Variants in PDE1A observed in about 807,000 individuals in gnomAD.
The protein encoded by PDE1A is phosphodiesterase 1A.
In PDE1A, 35 loss-of-function variants were observed where a neutral mutation model predicts 61.7. That is an observed-to-expected ratio of 0.57 (90% CI 0.43 to 0.75). The LOEUF (loss-of-function observed/expected upper bound fraction) is 0.75. PDE1A is among the 30% of genes least tolerant of loss of function. The pLI, the probability that PDE1A is intolerant of heterozygous loss-of-function variation, is 0.00. For missense variants in PDE1A, 597 were observed against 630.6 expected (o/e 0.95, Z 0.57); for synonymous variants, 232 against 213.2 (o/e 1.09, Z -0.77).
At chr2:182,531,552 AC>A in the PDE1A span, among the ~76,000 whole-genome samples, 2 of 152,202 alleles carry the variant, frequency 1.3e-5, no homozygotes, top group Non-Finnish European at 2.9e-5. Context: ...ATGTTTATGC[AC>A]ATAAAAATCG....
intron 1 of PDE1A, among the ~76,000 whole-genome samples, chr2:182,269,980 A>G (rs1454019995): frequency 6.6e-6 from 1 of 152,090 alleles, no homozygotes; most frequent in Admixed American, 6.6e-5. Context: ...TAGAATTCTA[A>G]GTTATATTAT....
chr2:182,631,212 A>G, the PDE1A span, among the ~76,000 whole-genome samples: 1 of 152,152 alleles, frequency 6.6e-6, no homozygotes, highest in Admixed American at 6.5e-5. Flanking sequence ...CAGGTGTACT[A>G]AGGGCAGAAG....
chr2:182,168,004 T>C (rs550946844), exon 14 of PDE1A: 22 of 1,218,126 alleles, frequency 1.8e-5, no homozygotes, highest in Admixed American at 4.2e-5. Context: ...GAAACAGATA[T>C]CTGAAAGCAC....
At chr2:182,196,227 G>A (rs1027190802) in intron 10 of PDE1A, among the ~76,000 whole-genome samples, 5 of 151,824 alleles carry the variant, frequency 3.3e-5, no homozygotes, top group African/African-American at 7.3e-5. Flanking sequence ...TTTGAAAATC[G>A]TTTACTTTTA....
the PDE1A span, among the ~76,000 whole-genome samples, chr2:182,563,113 G>T: frequency 3.3e-5 from 5 of 152,172 alleles, 1 homozygote; most frequent in Admixed American, 1.3e-4. Flanking sequence ...GAATGTGTTT[G>T]CTCTTGCTTC....
At chr2:182,369,260 C>A (rs1700002720) in intron 1 of PDE1A, among the ~76,000 whole-genome samples, 1 of 152,172 alleles carries the variant, frequency 6.6e-6, no homozygotes, top group African/African-American at 2.4e-5. Flanking sequence ...TTTTCACAAG[C>A]CCATGCAGTG....
intron 13 of PDE1A, among the ~76,000 whole-genome samples, chr2:182,169,220 CTT>C (rs2125316549): frequency 6.6e-6 from 1 of 151,992 alleles, no homozygotes; most frequent in Admixed American, 6.6e-5. Context: ...ATTTACCAGA[CTT>C]TACATTGATT....
At chr2:182,276,664 AT>A (rs1414883543) in intron 1 of PDE1A, among the ~76,000 whole-genome samples, 1 of 152,108 alleles carries the variant, frequency 6.6e-6, no homozygotes, top group African/African-American at 2.4e-5. Context: ...GAAGACAACC[AT>A]AAGGTCTGAC....
intron 1 of PDE1A, among the ~76,000 whole-genome samples, chr2:182,291,471 G>T (rs1271962215): frequency 6.6e-6 from 1 of 152,034 alleles, no homozygotes; most frequent in East Asian, 1.9e-4. Context: ...TACCACACTG[G>T]TATGATTATG....
the PDE1A span, among the ~76,000 whole-genome samples, chr2:182,657,149 G>T: frequency 1.3e-5 from 2 of 152,170 alleles, no homozygotes; most frequent in Admixed American, 1.3e-4. Context: ...CTTGAACCCG[G>T]GAGGTGGAGG....
At chr2:182,516,488 T>C (rs189222488) in intron 2 of PDE1A, among the ~76,000 whole-genome samples, 1 of 151,810 alleles carries the variant, frequency 6.6e-6, no homozygotes, top group East Asian at 1.9e-4. Context: ...CCATCTCTAC[T>C]AGATCTATAA....
intron 2 of PDE1A, among the ~76,000 whole-genome samples, chr2:182,463,226 G>A (rs1471958564): frequency 6.6e-6 from 1 of 151,492 alleles, no homozygotes; most frequent in Non-Finnish European, 1.5e-5. Context: ...GTGACAAAGC[G>A]AGTCTCCATC....
At chr2:182,700,637 G>A in the PDE1A span, among the ~76,000 whole-genome samples, 4 of 144,084 alleles carry the variant, frequency 2.8e-5, no homozygotes, top group East Asian at 4.0e-4. Flanking sequence ...CAGGAGAATC[G>A]CTTTAATGCG....
the PDE1A span, among the ~76,000 whole-genome samples, chr2:182,606,999 G>C: frequency 6.6e-6 from 1 of 152,180 alleles, no homozygotes; most frequent in South Asian, 2.1e-4. Flanking sequence ...CCATCTCCCT[G>C]ATGGTCTAGA....
intron 2 of PDE1A, among the ~76,000 whole-genome samples, chr2:182,444,773 T>C (rs1381204410): frequency 6.6e-6 from 1 of 152,094 alleles, no homozygotes; most frequent in East Asian, 1.9e-4. Context: ...CTATCCACAC[T>C]TACATGTATG....
At chr2:182,288,419 A>G (rs1694308579) in intron 1 of PDE1A, among the ~76,000 whole-genome samples, 1 of 152,138 alleles carries the variant, frequency 6.6e-6, no homozygotes, top group Non-Finnish European at 1.5e-5. Context: ...GTCTATCAAC[A>G]GGCATTCTGT....
chr2:182,623,491 A>T, the PDE1A span, among the ~76,000 whole-genome samples: 113 of 152,272 alleles, frequency 7.4e-4, no homozygotes, highest in Non-Finnish European at 1.3e-3. Flanking sequence ...CAGCAAACTG[A>T]CTTCTAATGC....
At chr2:182,315,529 G>T (rs896242452) in intron 1 of PDE1A, among the ~76,000 whole-genome samples, 1 of 152,128 alleles carries the variant, frequency 6.6e-6, no homozygotes, top group African/African-American at 2.4e-5. Context: ...TACATGTATT[G>T]GTTGAAAAAA....
the PDE1A span, among the ~76,000 whole-genome samples, chr2:182,528,829 C>T: frequency 6.6e-6 from 1 of 152,242 alleles, no homozygotes; most frequent in East Asian, 1.9e-4. Flanking sequence ...GTGCAAGCCC[C>T]AAGCCTTGGC....
Sources: gnomAD v4.1 joint callset for allele counts (sites outside exome capture counted in the v4.1 genomes callset) on GRCh38, gnomAD v4.1.1 for gene constraint, MANE v1.5 for transcripts, NCBI Gene and HGNC (gene_info 2026-07-23, HGNC 2026-07-21) for gene names.